Variants in TLE6 observed in about 807,000 individuals in gnomAD.
TLE6 encodes transducin-like enhancer protein 6.
TLE6 carries 72 observed loss-of-function variants against 77.1 expected under a neutral mutation model. The observed-to-expected ratio is 0.93, with a 90% confidence interval of 0.77 to 1.14. The LOEUF (loss-of-function observed/expected upper bound fraction) is 1.14, where lower values mean the gene tolerates loss of function less well. Among genes scored for constraint, TLE6 ranks in the 50% most tolerant of loss-of-function variants. TLE6 has a pLI of 0.00. For synonymous variants in TLE6, 366 were observed against 287.3 expected (o/e 1.27, Z -2.77); for missense variants, 843 against 747.6 (o/e 1.13, Z -1.49).
Position 2,986,875 on chromosome 19 carries a change from G to T in TLE6, c.269G>T (p.Gly90Val). 1 of 1,551,780 alleles carries T rather than the reference G, an allele frequency of 6.4e-7. No homozygotes were observed. The highest frequency in any genetic ancestry group is 1.4e-5 in the African/African-American group (1 of 73,152). Residue 90 changes from glycine to valine, a missense_variant, in exon 6 of 17, where the codon GGT becomes GTT. Gly to Val is a moderately radical substitution (Grantham distance 109). Transcript: ENST00000246112. Reference sequence around the variant, plus strand: ...GTGGAGAGCTGCAGCCAACTCCAGGGTTTCCAGTCTGAGGAGGTGAGTTTC... The same window carrying T: ...GTGGAGAGCTGCAGCCAACTCCAGGTTTTCCAGTCTGAGGAGGTGAGTTTC... ...QIVESCSQLQGFQSEEVSPAE... is the reference protein window; with the variant it reads ...QIVESCSQLQVFQSEEVSPAE...
chr19:2,993,741 G>A (rs2089140191), intron 15 of TLE6, among the ~76,000 whole-genome samples, 159 bp downstream of exon 15: 1 of 152,008 alleles, frequency 6.6e-6, no homozygotes, highest in Non-Finnish European at 1.5e-5. Flanking sequence ...GAATGAGGGA[G>A]GGAAGGGGGT....
intron 13 of TLE6, 78 bp downstream of exon 13, chr19:2,989,863 C>T (rs2089006170): frequency 3.2e-6 from 5 of 1,559,100 alleles, no homozygotes; most frequent in Non-Finnish European, 3.5e-6. Flanking sequence ...ACTGCTACCA[C>T]CTCTGCCCGC....
chr19:2,983,727 A>G (rs1053251023), intron 5 of TLE6, among the ~76,000 whole-genome samples: 1 of 152,034 alleles, frequency 6.6e-6, no homozygotes, highest in Non-Finnish European at 1.5e-5. Context: ...CTTCAGACAG[A>G]GGGCAGGCCC....
At chr19:2,994,427 G>A (rs967324986) in intron 16 of TLE6, among the ~76,000 whole-genome samples, 6 of 152,080 alleles carry the variant, frequency 3.9e-5, no homozygotes, top group Non-Finnish European at 7.4e-5. Flanking sequence ...TGGCTAACAC[G>A]GTGAATCCCT....
chr19:2,991,793 C>T, intron 13 of TLE6, 50 bp from the exon 14 acceptor site: 9 of 1,593,790 alleles, frequency 5.6e-6, no homozygotes, highest in Non-Finnish European at 6.9e-6. Context: ...TCCGGGGGCC[C>T]AAACCTCAGA....
Position 2,980,117 on chromosome 19 carries a change from G to T in TLE6, c.69G>T (p.Ser23=). Residue 23 remains serine (S), a synonymous_variant, in exon 3 of 17, where the codon TCG becomes TCT. Transcript: ENST00000246112. ...PKSTSPCPGI[S]NSESSPTLNY... ...CTTTCCAGCCTTGTCCTGGGATCTC[G>T]AACTCTGAGAGCTCTCCGACGCTGA... The T allele has an allele frequency of 6.4e-7, 1 of 1,550,428 alleles. No individual in the cohort carries two copies. Among genetic ancestry groups the T allele is most frequent in the South Asian group, 1.2e-5 (1 of 83,986 alleles).
At chr19:2,978,996 G>T (rs953418485) in intron 2 of TLE6, among the ~76,000 whole-genome samples, 1 of 151,936 alleles carries the variant, frequency 6.6e-6, no homozygotes, top group Non-Finnish European at 1.5e-5. Flanking sequence ...CACTCACCTC[G>T]GCTGGAATGC....
chr19:2,993,905 A>C (rs549117302), intron 15 of TLE6, 114 bp from the exon 16 acceptor site: 1 of 884,162 alleles, frequency 1.1e-6, no homozygotes, highest in Non-Finnish European at 1.7e-6. Flanking sequence ...TGGGTGACAG[A>C]GTGAGACCCT....
rs544368132 is a variant in TLE6 at position 2,991,617 on chromosome 19, T to G, written c.1245-226T>G. ...TGGAAGAGGCAAGGGGAGGCCTAGG[T>G]GAGGCCAAGGGGAGGCCCAGGCGGA... is the stretch of plus-strand genomic sequence containing the variant. On this transcript the variant is annotated intron_variant, in intron 13 of 16. Coordinates refer to ENST00000246112, the MANE Select transcript of TLE6 (RefSeq NM_001143986.2). 5.0e-5 allele frequency among the ~76,000 whole-genome samples: 7 copies of G among 140,972 alleles called. No homozygotes were observed. The South Asian group carries it at 1.3e-3, about 27-fold the overall frequency. The allele number at this position is 140,972 out of a possible 152,430, so 92.5% of individuals were successfully genotyped here.
chr19:2,987,677 C>A (rs2088946576), intron 8 of TLE6, 47 bp from the exon 9 acceptor site: 1 of 1,606,254 alleles, frequency 6.2e-7, no homozygotes, highest in South Asian at 1.1e-5. Flanking sequence ...GTCTTCTGGT[C>A]CTAACAGGCA....
rs1321888516 is a variant in TLE6, at chr19:2,991,393, TATACAC to T, written c.1245-448_1245-443del. ...AAAAATACGTATATATATATATATA[TATACAC>T]ACACACACACACACACACACACACA... is the stretch of plus-strand genomic sequence containing the variant. On this transcript the variant is annotated intron_variant, in intron 13 of 16. Coordinates refer to ENST00000246112, the MANE Select transcript of TLE6 (RefSeq NM_001143986.2). Among the ~76,000 whole-genome samples, 635 of 110,058 alleles carry T rather than the reference TATACAC, an allele frequency of 5.8e-3. 5 individuals are homozygous for T. The highest frequency in any genetic ancestry group is 7.1e-3 in the Non-Finnish European group (393 of 55,412). The allele number at this position is 110,058 out of a possible 152,430, so 72.2% of individuals were successfully genotyped here. A position where few individuals can be genotyped will look rare whatever the true frequency, so the allele number is the denominator to read the frequency against.
At chr19:2,989,017 G>T (rs781597813) in intron 11 of TLE6, 44 bp from the exon 12 acceptor site, 1 of 1,603,286 alleles carries the variant, frequency 6.2e-7, no homozygotes, top group South Asian at 1.1e-5. Context: ...CTGGGCAAAG[G>T]GGCTCACAAG....
At chr19:2,994,514 G>A (rs1018787958) in intron 16 of TLE6, among the ~76,000 whole-genome samples, 2 of 152,216 alleles carry the variant, frequency 1.3e-5, no homozygotes, top group African/African-American at 2.4e-5. Context: ...GGAGGCTGAG[G>A]CAGGAGAATG....
intron 14 of TLE6, among the ~76,000 whole-genome samples, chr19:2,993,026 TAAAAAAAAAAAA>T (rs377287142): frequency 2.1e-5 from 1 of 48,340 alleles, no homozygotes; most frequent in Admixed American, 2.7e-4. Flanking sequence ...CCGTCTCTAC[TAAAAAAAAAAAA>T]AAAAAAAAAA....
At chr19:2,993,662 A>C in intron 15 of TLE6, 80 bp downstream of exon 15, 1 of 1,483,082 alleles carries the variant, frequency 6.7e-7, no homozygotes, top group African/African-American at 1.4e-5. Flanking sequence ...CCAGCTCCCC[A>C]CCCAACCCTC....
chr19:2,978,326 C>A (rs532823607), intron 2 of TLE6, 42 bp downstream of exon 2: 3 of 1,547,526 alleles, frequency 1.9e-6, no homozygotes, highest in African/African-American at 1.4e-5. Context: ...AAGGGAAACC[C>A]GGGCCCAATG....
At chr19:2,992,699 C>T (rs568234454) in intron 14 of TLE6, among the ~76,000 whole-genome samples, 16 of 147,334 alleles carry the variant, frequency 1.1e-4, no homozygotes, top group South Asian at 2.2e-4. Flanking sequence ...GGCTTGAGCC[C>T]GGGGAGGCTG....
rs1040903492 is a variant in TLE6 at position 2,991,898 on chromosome 19, A to G, written c.1300A>G (p.Ile434Val). ...GAGTATCGTGGTCAAGGGCTACAACATCTGGACTGGGGGTCCGGATGCCTG... is the reference window on the plus strand; with the variant it reads ...GAGTATCGTGGTCAAGGGCTACAACGTCTGGACTGGGGGTCCGGATGCCTG... The part of the protein sequence containing the change: ...VKSIVVKGYN[I>V]WTGGPDACLR... The change falls in exon 14 of 17, where the codon ATC becomes GTC. Residue 434 changes from isoleucine to valine, a missense_variant. Coordinates refer to ENST00000246112, the MANE Select transcript of TLE6 (RefSeq NM_001143986.2). 1.2e-6 allele frequency: 2 copies of G among 1,613,828 alleles called. No individual in the cohort carries two copies. The highest frequency in any genetic ancestry group is 1.7e-6 in the Non-Finnish European group (2 of 1,179,958).
At chr19:2,978,406 G>A (rs532011099) in intron 2 of TLE6, 122 bp downstream of exon 2, 138 of 946,084 alleles carry the variant, frequency 1.5e-4, no homozygotes, top group Non-Finnish European at 2.1e-4. Flanking sequence ...AGACAATACT[G>A]GTCGCTGCTA....
Sources: allele counts gnomAD v4.1 joint callset (sites outside exome capture counted in the v4.1 genomes callset), GRCh38; gene constraint gnomAD v4.1.1; transcripts MANE v1.5; gene names NCBI Gene and HGNC (gene_info 2026-07-23, HGNC 2026-07-21).